The following MYO1B variants were observed in gnomAD, a reference collection of about 807,000 sequenced individuals.
The protein encoded by MYO1B is myosin IB, also known as unconventional myosin-Ib.
A neutral mutation model predicts 159.7 loss-of-function variants in MYO1B; 72 were observed. The observed-to-expected ratio is 0.45, with a 90% CI of 0.37 to 0.55. MYO1B has a LOEUF of 0.55. MYO1B is among the 20% of genes least tolerant of loss of function. The pLI, the probability that MYO1B is intolerant of heterozygous loss-of-function variation, is 0.00. For missense variants in MYO1B, 1,062 were observed against 1,364.8 expected, an observed-to-expected ratio of 0.78 and a Z score of 3.50; for synonymous variants, 468 against 473.8, an observed-to-expected ratio of 0.99 and a Z score of 0.16.
At chr2:191,318,184 T>G (rs1439207990) in intron 3 of MYO1B, among the ~76,000 whole-genome samples, 1 of 152,116 alleles carries the variant, frequency 6.6e-6, no homozygotes, top group East Asian at 1.9e-4. Flanking sequence ...ATTTTATAGG[T>G]GTACAGGCAA....
chr2:191,352,284 G>A (rs983829571), intron 7 of MYO1B, among the ~76,000 whole-genome samples: 1 of 152,148 alleles, frequency 6.6e-6, no homozygotes, highest in Non-Finnish European at 1.5e-5. Flanking sequence ...TGAGCCTTTA[G>A]TGCTTTCTTT....
chr2:191,372,055 C>T (rs1694398221), intron 13 of MYO1B, among the ~76,000 whole-genome samples: 1 of 152,222 alleles, frequency 6.6e-6, no homozygotes. Flanking sequence ...GGGCAGAATG[C>T]CAAAGTCATT....
At chr2:191,309,813 C>T (rs1401087740) in intron 3 of MYO1B, among the ~76,000 whole-genome samples, 4 of 152,222 alleles carry the variant, frequency 2.6e-5, no homozygotes. Flanking sequence ...AGCATTTGTG[C>T]TTACCTGACA....
At chr2:191,345,364 C>T (rs1157129449) in intron 5 of MYO1B, among the ~76,000 whole-genome samples, 2 of 152,198 alleles carry the variant, frequency 1.3e-5, no homozygotes, top group East Asian at 3.8e-4. Flanking sequence ...GTTTAGGCTA[C>T]TTAATCTTCT....
chr2:191,420,444 T>C (rs1697867026), intron 30 of MYO1B, among the ~76,000 whole-genome samples: 1 of 152,218 alleles, frequency 6.6e-6, no homozygotes, highest in African/African-American at 2.4e-5. Flanking sequence ...CACTATTTTT[T>C]ATCTTTTATG....
chr2:191,261,590 G>A (rs867338540), intron 1 of MYO1B, among the ~76,000 whole-genome samples: 22 of 152,268 alleles, frequency 1.4e-4, no homozygotes, highest in African/African-American at 4.8e-4. Flanking sequence ...CTTCTGGAAC[G>A]TTGCTGGTCC....
intron 18 of MYO1B, among the ~76,000 whole-genome samples, chr2:191,391,838 G>A (rs1161055894): frequency 6.6e-6 from 1 of 152,208 alleles, no homozygotes; most frequent in Non-Finnish European, 1.5e-5. Context: ...TTTGATACAA[G>A]TATTGCCTCT....
chr2:191,391,462 T>G (rs895972136), intron 18 of MYO1B, among the ~76,000 whole-genome samples: 7 of 152,204 alleles, frequency 4.6e-5, no homozygotes, highest in Middle Eastern at 3.2e-3. Context: ...GGGTACTGTT[T>G]CAGTTCCCAT....
At chr2:191,413,640 A>C (rs1352021002) in intron 27 of MYO1B, among the ~76,000 whole-genome samples, 1 of 152,142 alleles carries the variant, frequency 6.6e-6, no homozygotes, top group Non-Finnish European at 1.5e-5. Context: ...AGCTCTTTTC[A>C]CTGCCACATA....
At chr2:191,289,775 T>C (rs1039967216) in intron 2 of MYO1B, among the ~76,000 whole-genome samples, 16 of 152,230 alleles carry the variant, frequency 1.1e-4, no homozygotes, top group African/African-American at 3.9e-4. Flanking sequence ...TATGAGAAAC[T>C]GAAATGTAAA....
chr2:191,266,965 T>A (rs1193378340), intron 1 of MYO1B, among the ~76,000 whole-genome samples: 1 of 152,216 alleles, frequency 6.6e-6, no homozygotes, highest in Non-Finnish European at 1.5e-5. Context: ...CCTTAATCAC[T>A]GGCCTGTGCC....
At chr2:191,395,813 G>C (rs1005296869) in intron 20 of MYO1B, among the ~76,000 whole-genome samples, 7 of 152,336 alleles carry the variant, frequency 4.6e-5, no homozygotes, top group African/African-American at 1.7e-4. Flanking sequence ...CCTTTATACT[G>C]TTGACCTGTG....
chr2:191,402,014 A>G (rs1696645951), intron 23 of MYO1B: 1 of 152,840 alleles, frequency 6.5e-6, no homozygotes, highest in Non-Finnish European at 1.5e-5. Context: ...CTTCCTGTAT[A>G]TTTTACTTTT....
chr2:191,397,060 A>T lies in MYO1B; in HGVS notation c.2295+563A>T, dbSNP rs148238333. Among the ~76,000 whole-genome samples the T allele has an allele frequency of 8.0e-4, 116 of 145,128 alleles. No homozygotes were observed. In the Middle Eastern group the frequency reaches 0.02, roughly 24 times the overall value. The stretch of plus-strand genomic sequence containing the variant: ...TAGCCTGCTTGCGTGTTCTCATACA[A>T]CCTGCAAGCTAAGAATGGTTTTTAT... On this transcript the variant is annotated intron_variant, in intron 21 of 30. Coordinates refer to ENST00000392318, the MANE Select transcript of MYO1B (RefSeq NM_001130158.3).
chr2:191,406,163 C>G (rs1696905741), intron 24 of MYO1B, among the ~76,000 whole-genome samples: 1 of 152,236 alleles, frequency 6.6e-6, no homozygotes, highest in Admixed American at 6.5e-5. Flanking sequence ...TTCCTCACCT[C>G]TCTCAGCCTT....
At chr2:191,283,957 T>C (rs1375429451) in intron 2 of MYO1B, among the ~76,000 whole-genome samples, 2 of 152,178 alleles carry the variant, frequency 1.3e-5, no homozygotes, top group Admixed American at 6.5e-5. Context: ...CAGCGTGACA[T>C]AGAGCAAGGA....
chr2:191,404,216 C>T (rs1696773841), intron 24 of MYO1B, among the ~76,000 whole-genome samples: 1 of 151,966 alleles, frequency 6.6e-6, no homozygotes, highest in Non-Finnish European at 1.5e-5. Context: ...TGCAGTGGGC[C>T]TTTTTAAGAC....
chr2:191,291,026 ACCCCTGG>A (rs1280400748), intron 2 of MYO1B, among the ~76,000 whole-genome samples: 1 of 151,984 alleles, frequency 6.6e-6, no homozygotes, highest in Non-Finnish European at 1.5e-5. Flanking sequence ...AAAAGTACTG[ACCCCTGG>A]CCGTTCCCTA....
At chr2:191,386,168 C>A in intron 16 of MYO1B, 84 bp downstream of exon 16, 1 of 1,284,082 alleles carries the variant, frequency 7.8e-7, no homozygotes. Flanking sequence ...GCGTTCGAAA[C>A]CCCATTAACT....
Sources: allele counts gnomAD v4.1 joint callset (sites outside exome capture counted in the v4.1 genomes callset), GRCh38; gene constraint gnomAD v4.1.1; transcripts MANE v1.5; gene names NCBI Gene and HGNC (gene_info 2026-07-23, HGNC 2026-07-21).